Variants in ELF2 observed in about 807,000 individuals in gnomAD.
ELF2 encodes the protein E74 like ETS transcription factor 2.
A neutral mutation model predicts 54.8 loss-of-function variants in ELF2; 11 were observed. The observed-to-expected ratio is 0.20, with a 90% CI of 0.13 to 0.33. The LOEUF (loss-of-function observed/expected upper bound fraction) is 0.33. Among genes scored for constraint, ELF2 ranks in the 10% least tolerant of loss-of-function variants. The pLI is 1.00. For missense variants in ELF2, 513 were observed against 703.0 expected (o/e 0.73, Z 3.06); for synonymous variants, 203 against 245.1 (o/e 0.83, Z 1.61).
intron 4 of ELF2, among the ~76,000 whole-genome samples, chr4:139,109,943 T>C (rs1337560003): frequency 1.3e-5 from 2 of 152,294 alleles, no homozygotes; most frequent in African/African-American, 4.8e-5. Flanking sequence ...TCATGCAGTA[T>C]ACTCTCGTAA....
chr4:139,152,369 C>G (rs922938861), intron 1 of ELF2, among the ~76,000 whole-genome samples: 11 of 151,354 alleles, frequency 7.3e-5, no homozygotes, highest in Admixed American at 2.6e-4. Context: ...GGATCTCACT[C>G]TGTTGCCCAG....
Position 139,060,425 on chromosome 4 carries a change from C to G in ELF2, c.1056G>C (p.Glu352Asp). 6.2e-7 allele frequency: 1 copy of G among 1,614,230 alleles called. No individual in the cohort carries two copies. The highest frequency in any genetic ancestry group is 8.5e-7 in the Non-Finnish European group (1 of 1,180,046). Reference protein sequence around the residue: ...NSSPINCSRAEKGVARVVNIT... With the variant: ...NSSPINCSRADKGVARVVNIT... ...TATTCACAACTCTAGCTACACCCTT[C>G]TCTGCTCTGGAGCAGTTTATAGGGG... The change falls in exon 9 of 10, where the codon GAG becomes GAC. Residue 352 changes from glutamate to aspartate, a missense_variant. Glu to Asp is a conservative substitution (Grantham distance 45). Around this residue, in one of 3 missense-constraint regions of ELF2, gnomAD observed 291 missense variants for 366.1 expected, o/e 0.79. Transcript: ENST00000686138.
intron 4 of ELF2, among the ~76,000 whole-genome samples, chr4:139,094,535 A>T (rs1733035297): frequency 6.6e-6 from 1 of 152,212 alleles, no homozygotes; most frequent in Non-Finnish European, 1.5e-5. Context: ...AGCAACAAAT[A>T]AGATATATAC....
intron 1 of ELF2, among the ~76,000 whole-genome samples, chr4:139,141,595 AGACCAGG>A (rs1738703789): frequency 6.6e-6 from 1 of 152,236 alleles, no homozygotes; most frequent in Non-Finnish European, 1.5e-5. Flanking sequence ...ATCTAGAAAG[AGACCAGG>A]TAGACTAGTC....
chr4:139,108,853 A>G (rs1186425906), intron 4 of ELF2, among the ~76,000 whole-genome samples: 2 of 152,170 alleles, frequency 1.3e-5, no homozygotes, highest in Non-Finnish European at 2.9e-5. Flanking sequence ...GAACAGAACA[A>G]CCTTCAAACT....
At chr4:139,071,627 C>A (rs1050379683) in intron 6 of ELF2, among the ~76,000 whole-genome samples, 1 of 151,920 alleles carries the variant, frequency 6.6e-6, no homozygotes, top group Admixed American at 6.6e-5. Context: ...TGTCGAACAC[C>A]TGTTAAATAT....
intron 3 of ELF2, among the ~76,000 whole-genome samples, chr4:139,126,801 CAAG>C (rs1736965046): frequency 6.6e-6 from 1 of 152,120 alleles, no homozygotes; most frequent in Admixed American, 6.5e-5. Flanking sequence ...TTTCCTTTCT[CAAG>C]AAGATACTGG....
chr4:139,158,996 T>C (rs1740823523), intron 1 of ELF2, among the ~76,000 whole-genome samples: 1 of 152,054 alleles, frequency 6.6e-6, no homozygotes, highest in African/African-American at 2.4e-5. Context: ...ATTTGACTAA[T>C]AAAGGCCGGT....
intron 4 of ELF2, among the ~76,000 whole-genome samples, chr4:139,077,962 C>G (rs1393149650): frequency 6.6e-6 from 1 of 152,162 alleles, no homozygotes; most frequent in South Asian, 2.1e-4. Context: ...GCTGGTCAAT[C>G]CCCCTTGAAA....
At position 139,067,802 on chromosome 4, in the gene ELF2, G is replaced by A. The variant is rs186152380; in HGVS notation, c.527-32C>T. 9 of 1,537,124 alleles carry A rather than the reference G, an allele frequency of 5.9e-6. No homozygotes were observed. The African/African-American group carries it at 1.2e-4, about 21-fold the overall frequency. On this transcript the variant is annotated intron_variant, in intron 6 of 9. Coordinates refer to ENST00000686138, the MANE Select transcript of ELF2 (RefSeq NM_001331036.3). ...AAATAAGATATTGAAACCATACGTT[G>A]AAAACAAGAAAAATATGAGAGGCAC...
At chr4:139,147,547 C>T (rs930094269) in intron 1 of ELF2, among the ~76,000 whole-genome samples, 2 of 152,156 alleles carry the variant, frequency 1.3e-5, no homozygotes, top group Non-Finnish European at 2.9e-5. Context: ...TCTCGGCTCA[C>T]GGCAACCTCC....
intron 5 of ELF2, 81 bp from the exon 6 acceptor site, chr4:139,072,120 C>G (rs912348372): frequency 7.3e-7 from 1 of 1,377,722 alleles, no homozygotes; most frequent in Non-Finnish European, 1.0e-6. Flanking sequence ...TTAGAAGAGG[C>G]GAGGTGTGTT....
upstream of ELF2, among the ~76,000 whole-genome samples, chr4:139,177,682 C>A (rs1157777132): frequency 6.6e-6 from 1 of 151,876 alleles, no homozygotes; most frequent in Admixed American, 6.5e-5. Context: ...CGCGCGTGCA[C>A]CTGCAGCGCC....
chr4:139,088,081 A>G (rs1048315409), intron 4 of ELF2, among the ~76,000 whole-genome samples: 4 of 151,984 alleles, frequency 2.6e-5, no homozygotes, highest in Admixed American at 6.6e-5. Flanking sequence ...GAGGTTGGGA[A>G]TTTGAGACCA....
chr4:139,083,002 T>C (rs1010957602), intron 4 of ELF2, among the ~76,000 whole-genome samples: 9 of 152,188 alleles, frequency 5.9e-5, no homozygotes, highest in Admixed American at 3.9e-4. Flanking sequence ...TCCAATTCCA[T>C]GCGTACATTG....
chr4:139,143,469 T>C (rs1344076785), intron 1 of ELF2, among the ~76,000 whole-genome samples: 1 of 152,172 alleles, frequency 6.6e-6, no homozygotes, highest in African/African-American at 2.4e-5. Flanking sequence ...TTTTCCCCTT[T>C]TGAGAGCCAC....
intron 4 of ELF2, among the ~76,000 whole-genome samples, chr4:139,122,448 T>G (rs1187587069): frequency 6.6e-6 from 1 of 152,226 alleles, no homozygotes; most frequent in East Asian, 1.9e-4. Flanking sequence ...GAATGAAAAC[T>G]TATTCAGATT....
intron 1 of ELF2, among the ~76,000 whole-genome samples, chr4:139,143,417 C>A (rs1005835572): frequency 8.5e-5 from 13 of 152,180 alleles, no homozygotes; most frequent in African/African-American, 2.7e-4. Flanking sequence ...GCTGAAGTCA[C>A]TTCTAGGGGA....
Position 139,169,041 on chromosome 4 carries a change from C to T in ELF2, c.-252+7926G>A, listed in dbSNP as rs766429194. Among the ~76,000 whole-genome samples, 5 of 151,816 alleles carry T rather than the reference C, an allele frequency of 3.3e-5. 1 individual carries two copies. The highest frequency in any genetic ancestry group is 4.2e-4 in the South Asian group (2 of 4,804). On this transcript the variant is annotated intron_variant, in intron 1 of 9. Coordinates refer to ENST00000686138, the MANE Select transcript of ELF2 (RefSeq NM_001331036.3). Reference sequence around the variant, plus strand: ...ACTATTGCCCGGGCATGGTGGCTCACGCCAGTAATCCCAGCACTTTGGGAG... The same window carrying T: ...ACTATTGCCCGGGCATGGTGGCTCATGCCAGTAATCCCAGCACTTTGGGAG...
Sources: gnomAD v4.1 joint callset for allele counts (sites outside exome capture counted in the v4.1 genomes callset) on GRCh38, gnomAD v4.1.1 for gene constraint, gnomAD v4.1.1 regional missense constraint, MANE v1.5 for transcripts, NCBI Gene and HGNC (gene_info 2026-07-23, HGNC 2026-07-21) for gene names.